DCTN2: variants seen among roughly 807,000 people sequenced by gnomAD.
DCTN2 encodes 50 kDa dynein-associated polypeptide.
In DCTN2, 18 loss-of-function variants were observed where a neutral mutation model predicts 55.4. The ratio of observed to expected loss-of-function variants is 0.32; its 90% CI spans 0.22 to 0.48. The LOEUF (loss-of-function observed/expected upper bound fraction) is 0.48. DCTN2 is among the 20% of genes least tolerant of loss of function. DCTN2 has a pLI of 0.99. For missense variants in DCTN2, 390 were observed against 491.0 expected (o/e 0.79, Z 1.94); for synonymous variants, 168 against 185.2 (o/e 0.91, Z 0.76).
chr12:57,540,386 A>G (rs1014310339), intron 2 of DCTN2, among the ~76,000 whole-genome samples: 5 of 152,234 alleles, frequency 3.3e-5, no homozygotes, highest in African/African-American at 1.2e-4. Flanking sequence ...GGTCTGTCCT[A>G]TGGGTGGGTT....
intron 13 of DCTN2, among the ~76,000 whole-genome samples, chr12:57,531,472 A>G (rs1185782957): frequency 2.0e-5 from 3 of 152,134 alleles, no homozygotes; most frequent in African/African-American, 7.2e-5. Flanking sequence ...AGCTGAGATC[A>G]CACCACTGCA....
chr12:57,546,129 C>T lies in DCTN2; in HGVS notation c.37-33G>A, dbSNP rs772580638. On this transcript the variant is annotated intron_variant, in intron 1 of 13. Transcript: ENST00000548249. ...TAGAAGCAGTGACCACCCAACCTCA[C>T]TACCCAGCATCCAACAACACCCCTT... is the stretch of plus-strand genomic sequence containing the variant. 12 of 1,605,550 alleles carry T rather than the reference C, an allele frequency of 7.5e-6. No individual in the cohort carries two copies. In the Admixed American group the frequency reaches 1.5e-4, roughly 20 times the overall value.
At chr12:57,532,831 A>AAG in intron 9 of DCTN2, 21 bp from the exon 10 acceptor site, 2 of 1,613,850 alleles carry the variant, frequency 1.2e-6, no homozygotes, top group Non-Finnish European at 1.7e-6. Context: ...AAGTTGGGAC[A>AAG]AGCATCATGA....
chr12:57,538,103 A>C (rs997316959), intron 2 of DCTN2: 29 of 326,016 alleles, frequency 8.9e-5, no homozygotes, highest in African/African-American at 6.2e-4. Flanking sequence ...GATGGAACCT[A>C]CTTTCTTATT....
intron 2 of DCTN2, among the ~76,000 whole-genome samples, chr12:57,540,786 CAGAA>C (rs1880631796): frequency 2.0e-5 from 3 of 152,186 alleles, no homozygotes; most frequent in Admixed American, 6.5e-5. Context: ...GGTGCAGAAA[CAGAA>C]AGACTCACAA....
chr12:57,534,161 C>T (rs1158767468), intron 6 of DCTN2, 64 bp from the exon 7 acceptor site: 2 of 1,532,384 alleles, frequency 1.3e-6, no homozygotes, highest in African/African-American at 2.8e-5. Flanking sequence ...CTCTCCCTCA[C>T]TTTTGCCTCA....
chr12:57,533,401 C>T, intron 7 of DCTN2, 98 bp from the exon 8 acceptor site: 1 of 1,065,562 alleles, frequency 9.4e-7, no homozygotes, highest in Non-Finnish European at 1.5e-6. Context: ...CTCACCACCC[C>T]AAGGGATTCC....
chr12:57,543,124 C>T lies in DCTN2; in HGVS notation c.105+2904G>A, dbSNP rs567419765. 7.0e-4 allele frequency: 299 copies of T among 429,300 alleles called. 2 individuals carry two copies. Among genetic ancestry groups the T allele is most frequent in the African/African-American group, 5.7e-3 (284 of 49,448 alleles). 26.6% of individuals were successfully genotyped at this position (429,300 alleles called of 1,614,324 possible). On this transcript the variant is annotated intron_variant, in intron 2 of 13. Coordinates refer to ENST00000548249, the MANE Select transcript of DCTN2 (RefSeq NM_001261413.2). ...CAGCACTTTGGGAGGCCAAGACAGG[C>T]GGATCACGAGGTCAGGAGATCGAGA... is the stretch of plus-strand genomic sequence containing the variant.
intron 1 of DCTN2, among the ~76,000 whole-genome samples, chr12:57,546,778 AC>A (rs1268250300): frequency 2.0e-5 from 3 of 152,068 alleles, no homozygotes; most frequent in Non-Finnish European, 4.4e-5. Flanking sequence ...AGAGGTCAGT[AC>A]CCGGAGTCGA....
chr12:57,530,573 C>T lies in DCTN2; in HGVS notation c.*116G>A. 1.1e-6 allele frequency: 1 copy of T among 886,864 alleles called. No homozygotes were observed. The highest frequency in any genetic ancestry group is 1.8e-6 in the Non-Finnish European group (1 of 563,322). 54.9% of individuals were successfully genotyped at this position (886,864 alleles called of 1,614,324 possible). A position where few individuals can be genotyped will look rare whatever the true frequency, so the allele number is the denominator to read the frequency against. ...CCACATGCAAGAAGAACCCTTGCCC[C>T]CAGTGTCAAATGGGATGGGGATGCT... On this transcript the variant is annotated 3_prime_UTR_variant, in exon 14 of 14. Transcript: ENST00000548249.
At chr12:57,533,770 CAAAA>C (rs34012531) in intron 7 of DCTN2, among the ~76,000 whole-genome samples, 179 bp downstream of exon 7, 10 of 124,804 alleles carry the variant, frequency 8.0e-5, no homozygotes, top group Non-Finnish European at 8.7e-5. Flanking sequence ...GACTCCGTCT[CAAAA>C]AAAAAAAAAA....
At chr12:57,542,096 G>A (rs1880741344) in intron 2 of DCTN2, among the ~76,000 whole-genome samples, 1 of 152,130 alleles carries the variant, frequency 6.6e-6, no homozygotes, top group Non-Finnish European at 1.5e-5. Context: ...CCAACATGGT[G>A]AAACCCTGTC....
intron 13 of DCTN2, 143 bp downstream of exon 13, chr12:57,531,872 T>C (rs1879748189): frequency 3.4e-6 from 4 of 1,183,554 alleles, no homozygotes; most frequent in East Asian, 2.6e-5. Context: ...GGCCTTCACA[T>C]TGAAAGCAGG....
At chr12:57,546,904 G>GC (rs1881216402) in intron 1 of DCTN2, 124 bp downstream of exon 1, 5 of 824,294 alleles carry the variant, frequency 6.1e-6, no homozygotes, top group Non-Finnish European at 8.2e-6. Flanking sequence ...CGGAGAACGA[G>GC]CGGCGGGAGC....
intron 2 of DCTN2, among the ~76,000 whole-genome samples, chr12:57,540,587 G>A (rs1194654363): frequency 6.6e-6 from 1 of 152,228 alleles, no homozygotes; most frequent in Non-Finnish European, 1.5e-5. Flanking sequence ...CAGAGGGCAA[G>A]ATCTGAGGTT....
chr12:57,530,769 T>C lies in DCTN2; in HGVS notation c.1126A>G (p.Thr376Ala). The change falls in exon 14 of 14, where the codon ACA becomes GCA. Residue 376 changes from threonine (T) to alanine (A), a missense_variant. Coordinates refer to ENST00000548249, the MANE Select transcript of DCTN2 (RefSeq NM_001261413.2). ...GTGGCCAGGTTTTCACGCATGGTTG[T>C]CTGCACCTACAAAGTGGTAGAGAGG... ...DNTTLLTQVQ[T>A]TMRENLATVE... 6.2e-7 allele frequency: 1 copy of C among 1,613,744 alleles called. No individual in the cohort carries two copies. The highest frequency in any genetic ancestry group is 1.1e-5 in the South Asian group (1 of 91,082).
intron 2 of DCTN2, among the ~76,000 whole-genome samples, chr12:57,545,605 A>G (rs923078201): frequency 5.3e-5 from 8 of 152,160 alleles, no homozygotes; most frequent in East Asian, 3.8e-4. Flanking sequence ...TCCTTGCCCA[A>G]TGGATACTGG....
At chr12:57,537,801 G>A (rs532868658) in intron 2 of DCTN2, among the ~76,000 whole-genome samples, 1 of 152,320 alleles carries the variant, frequency 6.6e-6, no homozygotes, top group Non-Finnish European at 1.5e-5. Context: ...TCTTTAACCT[G>A]TTCTGAAATG....
chr12:57,532,940 T>A (rs372605251), intron 9 of DCTN2, 44 bp downstream of exon 9: 1 of 1,597,878 alleles, frequency 6.3e-7, no homozygotes, highest in Non-Finnish European at 8.5e-7. Flanking sequence ...CAAACCCAAC[T>A]ATCCCCTCTG....
Sources: allele counts gnomAD v4.1 joint callset (sites outside exome capture counted in the v4.1 genomes callset), GRCh38; gene constraint gnomAD v4.1.1; transcripts MANE v1.5; gene names NCBI Gene and HGNC (gene_info 2026-07-23, HGNC 2026-07-21).